The following SLC24A2 variants were observed in gnomAD, a reference collection of about 807,000 sequenced individuals.
SLC24A2 encodes solute carrier family 24 member 2.
In SLC24A2, 36 loss-of-function variants were observed where a neutral mutation model predicts 62.0. The observed-to-expected ratio is 0.58, with a 90% CI of 0.44 to 0.77. The LOEUF (loss-of-function observed/expected upper bound fraction) is 0.77. Among genes scored for constraint, SLC24A2 ranks in the 30% least tolerant of loss-of-function variants. The pLI is 0.00. For missense variants in SLC24A2, 846 were observed against 817.9 expected (o/e 1.03, Z -0.42); for synonymous variants, 358 against 294.0 (o/e 1.22, Z -2.23).
At chr9:20,300,052 T>C in the SLC24A2 span, among the ~76,000 whole-genome samples, 39 of 152,336 alleles carry the variant, frequency 2.6e-4, no homozygotes, top group Admixed American at 7.8e-4. Flanking sequence ...ATATAGAAGA[T>C]GGATAGGTAG....
At chr9:19,839,222 A>C in the SLC24A2 span, among the ~76,000 whole-genome samples, 2 of 152,240 alleles carry the variant, frequency 1.3e-5, no homozygotes, top group African/African-American at 4.8e-5. Flanking sequence ...AATGGCGATC[A>C]TTAAAAAGTC....
the SLC24A2 span, among the ~76,000 whole-genome samples, chr9:19,877,287 A>G: frequency 6.7e-6 from 1 of 148,268 alleles, no homozygotes; most frequent in South Asian, 2.2e-4. Context: ...AAGGAGAGAC[A>G]GGCTGGGAAG....
At chr9:20,249,839 G>A in the SLC24A2 span, among the ~76,000 whole-genome samples, 1 of 152,006 alleles carries the variant, frequency 6.6e-6, no homozygotes, top group Non-Finnish European at 1.5e-5. Flanking sequence ...CAGCAGCTGA[G>A]GTGACTCCCA....
chr9:20,046,581 G>C, the SLC24A2 span, among the ~76,000 whole-genome samples: 4 of 152,210 alleles, frequency 2.6e-5, no homozygotes, highest in Non-Finnish European at 4.4e-5. Context: ...TACAGCTTGA[G>C]TGTGCACAAT....
At chr9:19,879,545 A>C in the SLC24A2 span, among the ~76,000 whole-genome samples, 1 of 152,212 alleles carries the variant, frequency 6.6e-6, no homozygotes, top group Non-Finnish European at 1.5e-5. Flanking sequence ...TGTTGGTTTT[A>C]CATATCTGAA....
the SLC24A2 span, among the ~76,000 whole-genome samples, chr9:19,993,491 C>A: frequency 6.6e-6 from 1 of 152,092 alleles, no homozygotes; most frequent in African/African-American, 2.4e-5. Flanking sequence ...CTCACTTTTC[C>A]TCTGAGCAGC....
At chr9:20,254,077 G>C in the SLC24A2 span, among the ~76,000 whole-genome samples, 1 of 152,206 alleles carries the variant, frequency 6.6e-6, no homozygotes, top group Non-Finnish European at 1.5e-5. Flanking sequence ...TAAAACTGCT[G>C]ATAGTAGCTT....
chr9:19,570,337 GA>G (rs1175701444), intron 7 of SLC24A2, among the ~76,000 whole-genome samples: 2 of 152,068 alleles, frequency 1.3e-5, no homozygotes, highest in African/African-American at 4.8e-5. Context: ...TTCTTTGAGG[GA>G]CAAACTCCGA....
the SLC24A2 span, among the ~76,000 whole-genome samples, chr9:20,127,476 G>A: frequency 2.1e-4 from 32 of 152,088 alleles, no homozygotes; most frequent in Non-Finnish European, 3.8e-4. Context: ...CTCAGGAGGT[G>A]CAAAAATGGA....
At chr9:19,795,933 T>C in the SLC24A2 span, among the ~76,000 whole-genome samples, 1 of 72,662 alleles carries the variant, frequency 1.4e-5, no homozygotes, top group South Asian at 5.3e-4. Flanking sequence ...TGGAATAATA[T>C]ACAGCCATAA....
chr9:19,902,642 G>A, the SLC24A2 span, among the ~76,000 whole-genome samples: 2 of 152,054 alleles, frequency 1.3e-5, no homozygotes, highest in African/African-American at 2.4e-5. Flanking sequence ...AGAGGATATT[G>A]AGTCATTTGC....
intron 7 of SLC24A2, among the ~76,000 whole-genome samples, chr9:19,563,192 C>G (rs1294720277): frequency 6.6e-6 from 1 of 152,134 alleles, no homozygotes; most frequent in Non-Finnish European, 1.5e-5. Context: ...TCTCCCCCAG[C>G]ACTGCTCTTG....
At chr9:19,922,209 A>G in the SLC24A2 span, among the ~76,000 whole-genome samples, 1 of 152,314 alleles carries the variant, frequency 6.6e-6, no homozygotes, top group African/African-American at 2.4e-5. Flanking sequence ...AAAATTCCAT[A>G]AGCCATCTTC....
intron 4 of SLC24A2, among the ~76,000 whole-genome samples, chr9:19,607,159 A>G (rs1837006702): frequency 6.6e-6 from 1 of 152,228 alleles, no homozygotes; most frequent in Admixed American, 6.5e-5. Context: ...TGATGTTTAT[A>G]TAACAATACA....
the SLC24A2 span, among the ~76,000 whole-genome samples, chr9:19,866,399 C>A: frequency 2.0e-5 from 3 of 152,146 alleles, no homozygotes; most frequent in Middle Eastern, 3.2e-3. Flanking sequence ...TATTTGCACT[C>A]CCATGTTTGT....
chr9:19,892,718 GA>G, the SLC24A2 span, among the ~76,000 whole-genome samples: 299 of 151,566 alleles, frequency 2.0e-3, no homozygotes, highest in African/African-American at 6.8e-3. Context: ...TTCATGCCTA[GA>G]AAAATTTTTG....
chr9:20,013,767 G>C, the SLC24A2 span, among the ~76,000 whole-genome samples: 1 of 152,102 alleles, frequency 6.6e-6, no homozygotes, highest in Non-Finnish European at 1.5e-5. Flanking sequence ...AATGGGCAAA[G>C]GAGCAGAATA....
the SLC24A2 span, among the ~76,000 whole-genome samples, chr9:20,026,213 A>G: frequency 6.6e-6 from 1 of 152,208 alleles, no homozygotes. Flanking sequence ...GGTGGTAAAA[A>G]AAATAGGGAA....
intron 5 of SLC24A2, among the ~76,000 whole-genome samples, chr9:19,579,974 C>T (rs10964228): frequency 2.0e-5 from 3 of 152,130 alleles, no homozygotes; most frequent in Non-Finnish European, 4.4e-5. Context: ...GGAGATAACC[C>T]TAGAATTGGA....
Sources: allele counts gnomAD v4.1 joint callset (sites outside exome capture counted in the v4.1 genomes callset), GRCh38; gene constraint gnomAD v4.1.1; transcripts MANE v1.5; gene names NCBI Gene and HGNC (gene_info 2026-07-23, HGNC 2026-07-21).